The following GHRL variants were observed in gnomAD, a reference collection of about 807,000 sequenced individuals.
The protein encoded by GHRL is appetite-regulating hormone.
GHRL carries 24 observed loss-of-function variants against 16.9 expected under a neutral mutation model. The ratio of observed to expected loss-of-function variants is 1.42; its 90% CI spans 1.03 to 2.00. The LOEUF is 2.00. GHRL is among the 30% of genes most tolerant of loss of function. The pLI, the probability that GHRL is intolerant of heterozygous loss-of-function variation, is 0.00. For missense variants in GHRL, 193 were observed against 142.1 expected (o/e 1.36, Z -1.82); for synonymous variants, 63 against 58.2 (o/e 1.08, Z -0.37).
chr3:10,292,834 C>T lies in GHRL; in HGVS notation c.-766+8G>A. 6.6e-7 allele frequency: 1 copy of T among 1,508,066 alleles called. No homozygotes were observed. The highest frequency in any genetic ancestry group is 9.0e-7 in the Non-Finnish European group (1 of 1,112,496). The allele number at this position is 1,508,066 out of a possible 1,614,324, so 93.4% of individuals were successfully genotyped here. On this transcript the variant is annotated splice_region_variant and intron_variant, in intron 1 of 5. Transcript: ENST00000335542. Reference sequence around the variant, plus strand: ...AGGTACCTCCTGAGACATGAAGCCTCCACTTACCTGGACCCTGGAGGCCTC... The same window carrying T: ...AGGTACCTCCTGAGACATGAAGCCTTCACTTACCTGGACCCTGGAGGCCTC...
chr3:10,291,514 C>G, intron 1 of GHRL, 63 bp from the exon 2 acceptor site: 2 of 957,854 alleles, frequency 2.1e-6, no homozygotes, highest in Non-Finnish European at 1.2e-6. Context: ...TGGCCTTACG[C>G]CGACCACAAA....
chr3:10,289,111 A>G (rs1576060574), intron 4 of GHRL, among the ~76,000 whole-genome samples: 1 of 152,184 alleles, frequency 6.6e-6, no homozygotes, highest in Non-Finnish European at 1.5e-5. Context: ...TCACCAACCA[A>G]ATATTTAGAA....
chr3:10,285,924 T>C (rs1011794325), intron 5 of GHRL, 30 bp from the exon 6 acceptor site: 3 of 1,606,158 alleles, frequency 1.9e-6, no homozygotes, highest in Non-Finnish European at 2.6e-6. Context: ...GTAAGAATGC[T>C]GGGTGCACCG....
At chr3:10,292,357 G>C (rs954630293) in intron 1 of GHRL, 2 of 165,470 alleles carry the variant, frequency 1.2e-5, no homozygotes, top group African/African-American at 4.8e-5. Context: ...ATGGAATTGG[G>C]GCAGGACGTC....
At chr3:10,290,016 C>T in intron 3 of GHRL, 57 bp downstream of exon 3, 1 of 1,596,132 alleles carries the variant, frequency 6.3e-7, no homozygotes, top group Non-Finnish European at 8.6e-7. Flanking sequence ...GGTCACAGAG[C>T]TGGTTGCTAA....
chr3:10,288,420 C>T (rs886913795), intron 4 of GHRL, among the ~76,000 whole-genome samples: 3 of 152,202 alleles, frequency 2.0e-5, no homozygotes, highest in South Asian at 2.1e-4. Context: ...CCAAGGCTAG[C>T]TTTCACAGAA....
chr3:10,290,622 G>A (rs1699862495), intron 2 of GHRL, 94 bp downstream of exon 2: 1 of 477,522 alleles, frequency 2.1e-6, no homozygotes, highest in Non-Finnish European at 2.8e-6. Context: ...TGTTTAGAGG[G>A]GACTCCTGAG....
Position 10,285,891 on chromosome 3 carries a change from G to T in GHRL, c.338C>A (p.Ala113Asp). 6.2e-7 allele frequency: 1 copy of T among 1,613,254 alleles called. No homozygotes were observed. The highest frequency in any genetic ancestry group is 1.1e-5 in the South Asian group (1 of 91,052). ...TGTGGGCGATCACTTGTCGGCTGGG[G>T]CCTCTGGAAAGCAAGAGGTTGAGTA... Reference protein sequence around the residue: ...QDILWEEAKEAPADK With the variant: ...QDILWEEAKEDPADK Residue 113 changes from alanine (A) to aspartate (D), a missense_variant, in exon 6 of 6, where the codon GCC becomes GAC. Transcript: ENST00000335542.
At chr3:10,289,626 TC>T (rs1699635222) in intron 4 of GHRL, 135 bp downstream of exon 4, 2 of 732,536 alleles carry the variant, frequency 2.7e-6, no homozygotes, top group East Asian at 2.4e-5. Context: ...AGAGCTCAAC[TC>T]CTGTGGTACT....
At chr3:10,286,628 A>T in intron 5 of GHRL, 76 bp downstream of exon 5, 1 of 760,368 alleles carries the variant, frequency 1.3e-6, no homozygotes, top group Non-Finnish European at 2.3e-6. Context: ...GGTTGGGGAA[A>T]ACTCATCACC....
At chr3:10,286,451 G>C (rs142767309) in intron 5 of GHRL, among the ~76,000 whole-genome samples, 1 of 152,356 alleles carries the variant, frequency 6.6e-6, no homozygotes, top group East Asian at 1.9e-4. Context: ...TAAGGAAGCT[G>C]AGGTTCAACT....
At chr3:10,288,919 C>A (rs1699501036) in intron 4 of GHRL, among the ~76,000 whole-genome samples, 1 of 152,202 alleles carries the variant, frequency 6.6e-6, no homozygotes, top group African/African-American at 2.4e-5. Flanking sequence ...CAAGTGAGTT[C>A]ACCTCTGAAC....
chr3:10,286,861 A>T, intron 4 of GHRL, 49 bp from the exon 5 acceptor site: 1 of 1,109,140 alleles, frequency 9.0e-7, no homozygotes, highest in Non-Finnish European at 1.4e-6. Flanking sequence ...GGTCATGCCC[A>T]TCCCCATCTC....
chr3:10,291,551 G>A (rs930519789), intron 1 of GHRL, 100 bp from the exon 2 acceptor site: 296 of 801,716 alleles, frequency 3.7e-4, no homozygotes, highest in South Asian at 1.6e-3. Context: ...GAGTCTTTGA[G>A]GGTGAAATGA....
In GHRL at chr3:10,290,372, G is replaced by A. The variant is rs1019080068; in HGVS notation, c.-29-163C>T. 6 of 649,666 alleles carry A rather than the reference G, an allele frequency of 9.2e-6. No homozygotes were observed. In the Admixed American group the frequency reaches 1.8e-4, roughly 19 times the overall value. The allele number at this position is 649,666 out of a possible 1,614,324, so 40.2% of individuals were successfully genotyped here. On this transcript the variant is annotated intron_variant, in intron 2 of 5. Transcript: ENST00000335542. ...TCCACCTCCCAAGGTAGAAGATGAT[G>A]GATGTGTGTTCTCTTCTCCAAGGCC...
intron 4 of GHRL, 119 bp from the exon 5 acceptor site, chr3:10,286,931 GC>G: frequency 1.6e-6 from 1 of 637,492 alleles, no homozygotes. Flanking sequence ...TGGCCTTTGG[GC>G]CCCAGCAGGG....
intron 4 of GHRL, 73 bp from the exon 5 acceptor site, chr3:10,286,885 G>T: frequency 1.1e-6 from 1 of 885,944 alleles, no homozygotes; most frequent in Non-Finnish European, 1.9e-6. Context: ...GGGGGCTCTG[G>T]GCTCTCTGCC....
rs577851455 is a variant in GHRL at position 10,289,868 on chromosome 3, T to C, written c.119A>G (p.Glu40Gly). 72 of 1,612,298 alleles carry C rather than the reference T, an allele frequency of 4.5e-5. 1 individual carries two copies. In the South Asian group the frequency reaches 7.6e-4, roughly 17 times the overall value. ...PEHQRVQQRK[E>G]SKKPPAKLQP... ...CAGCTTGGCTGGTGGCTTCTTCGAC[T>C]CCTTTCTCTGCTGGAAGGGGGAAAC... is the stretch of plus-strand genomic sequence containing the variant. The change falls in exon 4 of 6, where the codon GAG (glutamate) becomes GGG (glycine). Residue 40 changes from glutamate to glycine, a missense_variant. Transcript: ENST00000335542.
chr3:10,289,468 T>C (rs1273948801), intron 4 of GHRL, among the ~76,000 whole-genome samples: 2 of 152,248 alleles, frequency 1.3e-5, no homozygotes, highest in African/African-American at 4.8e-5. Context: ...CTCTGGGCAC[T>C]GTATTTTCTG....
Sources: gnomAD v4.1 joint callset for allele counts (sites outside exome capture counted in the v4.1 genomes callset) on GRCh38, gnomAD v4.1.1 for gene constraint, MANE v1.5 for transcripts, NCBI Gene and HGNC (gene_info 2026-07-23, HGNC 2026-07-21) for gene names.